SIMC1: variants seen among roughly 807,000 people sequenced by gnomAD.
SIMC1 encodes SUMO interacting motifs containing 1.
In SIMC1, 55 loss-of-function variants were observed where a neutral mutation model predicts 82.3. The observed-to-expected ratio is 0.67, with a 90% CI of 0.54 to 0.84. The LOEUF (loss-of-function observed/expected upper bound fraction) is 0.84. Among genes scored for constraint, SIMC1 ranks in the 40% least tolerant of loss-of-function variants. The pLI, the probability that SIMC1 is intolerant of heterozygous loss-of-function variation, is 0.00. For synonymous variants in SIMC1, 353 were observed against 426.3 expected, an observed-to-expected ratio of 0.83 and a Z score of 2.12; for missense variants, 915 against 1,107.2, an observed-to-expected ratio of 0.83 and a Z score of 2.46.
intron 7 of SIMC1, among the ~76,000 whole-genome samples, chr5:176,332,400 C>T (rs1345248263): frequency 6.6e-6 from 1 of 152,188 alleles, no homozygotes; most frequent in Non-Finnish European, 1.5e-5. Flanking sequence ...AAGAGATTCT[C>T]CTGCCTCAGC....
At chr5:176,336,918 C>A in intron 8 of SIMC1, 42 bp downstream of exon 8, 1 of 1,610,748 alleles carries the variant, frequency 6.2e-7, no homozygotes. Context: ...GAGCACCTCT[C>A]TTTGCTCTAG....
At chr5:176,248,082 C>A (rs1193808546) in intron 1 of SIMC1, among the ~76,000 whole-genome samples, 2 of 151,958 alleles carry the variant, frequency 1.3e-5, no homozygotes, top group African/African-American at 2.4e-5. Context: ...ATTGTCTTGG[C>A]TATATGGGCT....
At chr5:176,310,274 T>C (rs557526191) in intron 4 of SIMC1, among the ~76,000 whole-genome samples, 1 of 152,344 alleles carries the variant, frequency 6.6e-6, no homozygotes, top group Admixed American at 6.5e-5. Context: ...AATTTTTTAA[T>C]CAAGTTAAAC....
intron 1 of SIMC1, among the ~76,000 whole-genome samples, chr5:176,246,261 C>T (rs1404190269): frequency 2.0e-5 from 3 of 152,078 alleles, no homozygotes; most frequent in African/African-American, 4.8e-5. Context: ...CCACCCACCT[C>T]GACCTCCCAA....
chr5:176,313,161 A>G (rs1764736569), intron 4 of SIMC1: 2 of 600,360 alleles, frequency 3.3e-6, no homozygotes, highest in Non-Finnish European at 2.3e-6. Flanking sequence ...ACTTGGCTCA[A>G]TCAGCTCGCA....
intron 1 of SIMC1, among the ~76,000 whole-genome samples, chr5:176,244,286 G>T (rs1293209923): frequency 1.1e-5 from 1 of 88,994 alleles, no homozygotes; most frequent in Non-Finnish European, 2.2e-5. Context: ...GGAGGAACAG[G>T]GTTAGAGGAA....
chr5:176,309,870 G>A (rs1369187393), intron 4 of SIMC1, among the ~76,000 whole-genome samples: 1 of 152,144 alleles, frequency 6.6e-6, no homozygotes, highest in African/African-American at 2.4e-5. Context: ...AGGAGTTTGA[G>A]GCTGCGGTGA....
intron 1 of SIMC1, among the ~76,000 whole-genome samples, chr5:176,276,953 G>A (rs1762735782): frequency 6.6e-6 from 1 of 150,698 alleles, no homozygotes; most frequent in Non-Finnish European, 1.5e-5. Context: ...AGTCCTTTGG[G>A]TATATACCCA....
intron 1 of SIMC1, among the ~76,000 whole-genome samples, chr5:176,272,304 C>T (rs1053811001): frequency 2.0e-5 from 3 of 148,824 alleles, no homozygotes; most frequent in Non-Finnish European, 4.4e-5. Flanking sequence ...GACCCCATCT[C>T]AAAAAACAAA....
intron 7 of SIMC1, 35 bp from the exon 8 acceptor site, chr5:176,336,685 T>C: frequency 6.2e-7 from 1 of 1,608,622 alleles, no homozygotes; most frequent in Non-Finnish European, 8.5e-7. Flanking sequence ...AGCATAGTTG[T>C]GATGATTAAC....
At chr5:176,293,601 A>T (rs1454754491) in intron 2 of SIMC1, among the ~76,000 whole-genome samples, 12 of 152,062 alleles carry the variant, frequency 7.9e-5, no homozygotes, top group Non-Finnish European at 1.5e-4. Context: ...AAAAAAAATT[A>T]GCCAGGCATG....
chr5:176,288,989 A>G (rs1763425917), intron 1 of SIMC1, among the ~76,000 whole-genome samples: 1 of 152,234 alleles, frequency 6.6e-6, no homozygotes, highest in African/African-American at 2.4e-5. Flanking sequence ...GACTTACACT[A>G]TTGGTTTTAT....
rs1762208093 is a variant in SIMC1, at chr5:176,266,269, CAG to C, written c.130-23384_130-23383del. Reference sequence around the variant, plus strand: ...CTGAGATTTTATGAACTTGAAATGTCAGGGGACAGAGGTCAAGGCTGGCGGAG... The same window carrying C: ...CTGAGATTTTATGAACTTGAAATGTCGGGACAGAGGTCAAGGCTGGCGGAG... On this transcript the variant is annotated intron_variant, in intron 1 of 9. Coordinates refer to ENST00000429602, the MANE Select transcript of SIMC1 (RefSeq NM_001308195.2). Among the ~76,000 whole-genome samples the C allele has an allele frequency of 2.6e-5, 4 of 152,240 alleles. No individual in the cohort carries two copies. In the South Asian group the frequency reaches 8.3e-4, roughly 32 times the overall value.
At chr5:176,308,453 G>GC in intron 4 of SIMC1, 1 of 1,607,816 alleles carries the variant, frequency 6.2e-7, no homozygotes, top group South Asian at 1.1e-5. Flanking sequence ...TAACTGTTTG[G>GC]CCTTCACATG....
chr5:176,309,001 T>C, intron 4 of SIMC1: 1 of 821,804 alleles, frequency 1.2e-6, no homozygotes, highest in Non-Finnish European at 2.2e-6. Flanking sequence ...AAGAACTTTC[T>C]TCTCTGGAAT....
At chr5:176,336,933 G>T in intron 8 of SIMC1, 57 bp downstream of exon 8, 1 of 1,605,704 alleles carries the variant, frequency 6.2e-7, no homozygotes, top group Non-Finnish European at 8.5e-7. Flanking sequence ...CTCTAGGCCC[G>T]AACCCTTCCC....
rs373789222 is a variant in SIMC1, at chr5:176,300,766, G to A, written c.1734+4446G>A. Among the ~76,000 whole-genome samples the A allele has an allele frequency of 1.3e-4, 20 of 152,100 alleles. No homozygotes were observed. In the East Asian group the frequency reaches 2.5e-3, roughly 19 times the overall value. Reference sequence around the variant, plus strand: ...ACTAAAATCTGAAATGAAAGAGGGGGCATTACAACCAGTGCCACAGAAATA... The same window carrying A: ...ACTAAAATCTGAAATGAAAGAGGGGACATTACAACCAGTGCCACAGAAATA... On this transcript the variant is annotated intron_variant, in intron 4 of 9. Transcript: ENST00000429602.
In SIMC1 at chr5:176,322,311, A is replaced by G. The variant is rs1333551330; in HGVS notation, c.1928A>G (p.Asp643Gly). Reference protein sequence around the residue: ...IKWLVKAVTEDGLTQPPNGNQ... With the variant: ...IKWLVKAVTEGGLTQPPNGNQ... ...TGGCTGGTCAAAGCAGTAACTGAAG[A>G]TGGATTGACTCAGCCCCCAAATGGA... is the stretch of plus-strand genomic sequence containing the variant. The change falls in exon 6 of 10, where the codon GAT (aspartate) becomes GGT (glycine). Residue 643 changes from aspartate (D) to glycine (G), a missense_variant. By Grantham distance (94) the Asp-to-Gly change is moderately conservative. Transcript: ENST00000429602. 6.3e-7 allele frequency: 1 copy of G among 1,577,826 alleles called. No homozygotes were observed. Among genetic ancestry groups the G allele is most frequent in the East Asian group, 2.3e-5 (1 of 43,356 alleles).
At chr5:176,318,693 A>G (rs1316587440) in intron 5 of SIMC1, among the ~76,000 whole-genome samples, 1 of 152,250 alleles carries the variant, frequency 6.6e-6, no homozygotes, top group Non-Finnish European at 1.5e-5. Context: ...GAATGTCTTT[A>G]TCTTCTCATA....
Sources: allele counts gnomAD v4.1 joint callset (sites outside exome capture counted in the v4.1 genomes callset), GRCh38; gene constraint gnomAD v4.1.1; transcripts MANE v1.5; gene names NCBI Gene and HGNC (gene_info 2026-07-23, HGNC 2026-07-21).